Variants in STAG1 observed in about 807,000 individuals in gnomAD.
The protein encoded by STAG1 is STAG1 cohesin complex component.
Under a neutral mutation model 170.9 loss-of-function variants are expected in STAG1, and 26 were observed. The ratio of observed to expected loss-of-function variants is 0.15; its 90% confidence interval spans 0.11 to 0.21. The LOEUF is 0.21. Ranked by LOEUF, STAG1 falls within the 10% of genes least tolerant of loss-of-function variation. The pLI, the probability that STAG1 is intolerant of heterozygous loss-of-function variation, is 1.00. For synonymous variants in STAG1, 514 were observed against 497.7 expected (o/e 1.03, Z -0.44); for missense variants, 964 against 1,509.5 (o/e 0.64, Z 5.99).
At chr3:136,479,171 C>T (rs1408262333) in intron 9 of STAG1, among the ~76,000 whole-genome samples, 1 of 146,312 alleles carries the variant, frequency 6.8e-6, no homozygotes, top group East Asian at 2.1e-4. Context: ...TGGTGCGCTG[C>T]ACCCACCAAC....
chr3:136,417,072 TCTGA>T (rs2087796614), intron 21 of STAG1, among the ~76,000 whole-genome samples: 1 of 151,998 alleles, frequency 6.6e-6, no homozygotes, highest in Admixed American at 6.6e-5. Context: ...GTCTCGAACT[TCTGA>T]CCTCAGGTGA....
chr3:136,475,289 G>A (rs2089721416), intron 10 of STAG1, among the ~76,000 whole-genome samples: 1 of 151,862 alleles, frequency 6.6e-6, no homozygotes, highest in South Asian at 2.1e-4. Context: ...TGAAATTACA[G>A]GTGCCCACCA....
intron 4 of STAG1, among the ~76,000 whole-genome samples, chr3:136,583,507 G>A (rs935850148): frequency 6.6e-6 from 1 of 152,096 alleles, no homozygotes; most frequent in Non-Finnish European, 1.5e-5. Context: ...AGCCTAATAA[G>A]GGCCGGTGCA....
In STAG1 at chr3:136,441,151, G is replaced by A. The variant is rs1161407354; in HGVS notation, c.1546+2136C>T. On this transcript the variant is annotated intron_variant, in intron 15 of 33. Transcript: ENST00000383202. ...GGGTTTAAGTGATCCTCCTGCCTCA[G>A]CCTCCCGAGTAGATGGGATTACAAG... Among the ~76,000 whole-genome samples, 4 of 150,408 alleles carry A rather than the reference G, an allele frequency of 2.7e-5. No individual in the cohort carries two copies. The Admixed American group carries it at 2.7e-4, about 10-fold the overall frequency.
At chr3:136,418,503 G>A (rs2087847126) in intron 20 of STAG1, among the ~76,000 whole-genome samples, 2 of 148,732 alleles carry the variant, frequency 1.3e-5, no homozygotes, top group Non-Finnish European at 3.0e-5. Context: ...GAAAGAAAGA[G>A]ATGATTCTAT....
chr3:136,568,861 A>C lies in STAG1; in HGVS notation c.298T>G (p.Ser100Ala). The C allele has an allele frequency of 6.3e-7, 1 of 1,592,632 alleles. No individual in the cohort carries two copies. Among genetic ancestry groups the C allele is most frequent in the Non-Finnish European group, 8.5e-7 (1 of 1,172,032 alleles). ...VVKLGKSAMQ[S>A]VVDDWIESYK... ...GATTCAATCCAGTCATCCACCACGG[A>C]CTGTGGAAAAAAAATATAAAAATGA... is the stretch of plus-strand genomic sequence containing the variant. The change falls in exon 5 of 34, where the codon TCC (serine) becomes GCC (alanine). Residue 100 changes from serine to alanine, a missense_variant and splice_region_variant. By Grantham distance (99) the Ser-to-Ala change is moderately conservative (BLOSUM62 1). Around this residue, in one of 11 missense-constraint regions of STAG1, gnomAD observed 108 missense variants for 120.2 expected, o/e 0.90. Coordinates refer to ENST00000383202, the MANE Select transcript of STAG1 (RefSeq NM_005862.3).
intron 3 of STAG1, 96 bp from the exon 4 acceptor site, chr3:136,604,569 A>C: frequency 1.9e-6 from 2 of 1,080,452 alleles, no homozygotes; most frequent in Non-Finnish European, 2.5e-6. Context: ...CCCTAACCAA[A>C]AGAAACTTTA....
chr3:136,635,426 TAATA>T (rs1371918325), intron 1 of STAG1, among the ~76,000 whole-genome samples: 17 of 152,182 alleles, frequency 1.1e-4, no homozygotes, highest in African/African-American at 3.9e-4. Flanking sequence ...CACCCATTCA[TAATA>T]AATACTCTCA....
At chr3:136,489,832 G>A (rs978152971) in intron 9 of STAG1, among the ~76,000 whole-genome samples, 1 of 152,096 alleles carries the variant, frequency 6.6e-6, no homozygotes, top group Admixed American at 6.5e-5. Flanking sequence ...CTACCTTAGC[G>A]AGTGCTGAAA....
chr3:136,702,809 C>A (rs188336379), intron 1 of STAG1, among the ~76,000 whole-genome samples: 41 of 152,156 alleles, frequency 2.7e-4, no homozygotes, highest in African/African-American at 8.9e-4. Flanking sequence ...GTGGCTCACA[C>A]CCGTAATCCC....
At chr3:136,542,004 A>C (rs1935928318) in intron 6 of STAG1, 115 bp downstream of exon 6, 1 of 759,480 alleles carries the variant, frequency 1.3e-6, no homozygotes, top group South Asian at 1.6e-5. Context: ...ATATAATTAA[A>C]AAATAGATTT....
At chr3:136,625,129 T>G (rs1315174526) in intron 2 of STAG1, among the ~76,000 whole-genome samples, 1 of 152,200 alleles carries the variant, frequency 6.6e-6, no homozygotes, top group Admixed American at 6.5e-5. Flanking sequence ...CAAGAATCTC[T>G]TCACTAAATT....
intron 1 of STAG1, among the ~76,000 whole-genome samples, chr3:136,712,567 G>A (rs542788291): frequency 9.8e-4 from 150 of 152,300 alleles, no homozygotes; most frequent in African/African-American, 3.1e-3. Context: ...AGTAGCCAGA[G>A]ATAGTGCAAA....
At chr3:136,432,799 C>T (rs1349027587) in intron 16 of STAG1, among the ~76,000 whole-genome samples, 1 of 152,182 alleles carries the variant, frequency 6.6e-6, no homozygotes, top group Non-Finnish European at 1.5e-5. Flanking sequence ...GCCACTTAAT[C>T]CATTCTCTCT....
At chr3:136,448,937 C>G (rs2088860999) in intron 14 of STAG1, among the ~76,000 whole-genome samples, 1 of 151,846 alleles carries the variant, frequency 6.6e-6, no homozygotes, top group Non-Finnish European at 1.5e-5. Context: ...AAAAAAAAGA[C>G]TCTTTCTACT....
At chr3:136,729,876 GCTTTTTTTTTT>G (rs1933908868) in intron 1 of STAG1, among the ~76,000 whole-genome samples, 1 of 108,446 alleles carries the variant, frequency 9.2e-6, no homozygotes, top group South Asian at 2.9e-4. Context: ...ACCACGCCAG[GCTTTTTTTTTT>G]TTTTTTTTTT....
chr3:136,463,804 T>C (rs1385071587), intron 13 of STAG1, among the ~76,000 whole-genome samples: 2 of 139,688 alleles, frequency 1.4e-5, no homozygotes, highest in African/African-American at 2.6e-5. Context: ...TACATATACA[T>C]ACATATATAC....
At chr3:136,455,582 T>C (rs930109373) in intron 13 of STAG1, among the ~76,000 whole-genome samples, 14 of 152,158 alleles carry the variant, frequency 9.2e-5, no homozygotes, top group Non-Finnish European at 1.9e-4. Context: ...AGGGTGCTGA[T>C]CACAGCAACT....
At chr3:136,602,381 C>CAAAA (rs397819185) in intron 4 of STAG1, among the ~76,000 whole-genome samples, 2 of 81,720 alleles carry the variant, frequency 2.4e-5, no homozygotes, top group Admixed American at 1.4e-4. Context: ...CCATCTCAAA[C>CAAAA]AAAAAAAAAA....
Sources: gnomAD v4.1 joint callset for allele counts (sites outside exome capture counted in the v4.1 genomes callset) on GRCh38, gnomAD v4.1.1 for gene constraint, gnomAD v4.1.1 regional missense constraint, MANE v1.5 for transcripts, NCBI Gene and HGNC (gene_info 2026-07-23, HGNC 2026-07-21) for gene names.